Variants in PRKAR2B observed in about 807,000 individuals in gnomAD.
PRKAR2B encodes cAMP-dependent protein kinase type II-beta regulatory subunit.
PRKAR2B carries 14 observed loss-of-function variants against 49.9 expected under a neutral mutation model. That is an observed-to-expected ratio of 0.28 (90% confidence interval 0.19 to 0.44). The LOEUF is 0.44. PRKAR2B is among the 20% of genes least tolerant of loss of function. The pLI, the probability that PRKAR2B is intolerant of heterozygous loss-of-function variation, is 1.00. For missense variants in PRKAR2B, 393 were observed against 537.9 expected (o/e 0.73, Z 2.67); for synonymous variants, 196 against 197.7 (o/e 0.99, Z 0.07).
intron 4 of PRKAR2B, among the ~76,000 whole-genome samples, chr7:107,132,788 C>T (rs901957351): frequency 1.3e-5 from 2 of 152,066 alleles, no homozygotes; most frequent in East Asian, 3.9e-4. Flanking sequence ...ATTTGAATTT[C>T]CCGAAGTCAT....
intron 2 of PRKAR2B, among the ~76,000 whole-genome samples, chr7:107,070,921 A>G (rs1425345317): frequency 6.6e-6 from 1 of 152,236 alleles, no homozygotes; most frequent in African/African-American, 2.4e-5. Flanking sequence ...TGTAGTCAGC[A>G]TGATAGGCCT....
At chr7:107,140,797 A>G in intron 4 of PRKAR2B, 50 bp from the exon 5 acceptor site, 1 of 1,370,684 alleles carries the variant, frequency 7.3e-7, no homozygotes, top group South Asian at 1.3e-5. Flanking sequence ...ACTTAAGAAA[A>G]CATGTTCTAG....
rs944511527 is a variant in PRKAR2B at position 107,101,115 on chromosome 7, C to A, written c.344-20837C>A. ...TAGCAGTTCTGGATTCTGATTTCCT[C>A]CCTCTCCAGGTTGTTGCTTATTTTT... On this transcript the variant is annotated intron_variant, in intron 2 of 10. Transcript: ENST00000265717. 2.7e-5 allele frequency among the ~76,000 whole-genome samples: 4 copies of A among 150,310 alleles called. No homozygotes were observed. In the East Asian group the frequency reaches 7.7e-4, roughly 29 times the overall value.
At chr7:107,148,286 C>G (rs187479771) in intron 6 of PRKAR2B, among the ~76,000 whole-genome samples, 2 of 152,182 alleles carry the variant, frequency 1.3e-5, no homozygotes, top group Non-Finnish European at 2.9e-5. Context: ...TTCAGATTGT[C>G]AGATTGTCAC....
At chr7:107,045,367 A>G (rs1423083725) in intron 1 of PRKAR2B, among the ~76,000 whole-genome samples, 153 bp downstream of exon 1, 3 of 151,196 alleles carry the variant, frequency 2.0e-5, no homozygotes, top group Non-Finnish European at 4.4e-5. Flanking sequence ...CCCCCTCAGC[A>G]TCCATTTCTG....
chr7:107,050,460 T>G (rs1793780251), intron 1 of PRKAR2B, among the ~76,000 whole-genome samples: 1 of 150,198 alleles, frequency 6.7e-6, no homozygotes, highest in Non-Finnish European at 1.5e-5. Context: ...TGGATTCCAG[T>G]AAATTTCCAG....
chr7:107,151,812 C>T (rs982032000), intron 7 of PRKAR2B, among the ~76,000 whole-genome samples: 2 of 152,048 alleles, frequency 1.3e-5, no homozygotes, highest in African/African-American at 4.8e-5. Context: ...GGGAGAAGAT[C>T]GAAACTCAAA....
At chr7:107,129,506 A>C (rs1043944139) in intron 4 of PRKAR2B, among the ~76,000 whole-genome samples, 3 of 152,168 alleles carry the variant, frequency 2.0e-5, no homozygotes, top group Admixed American at 1.3e-4. Flanking sequence ...CTAGGCTCTC[A>C]AAAGAAAACA....
chr7:107,112,175 A>G (rs1034658653), intron 2 of PRKAR2B, among the ~76,000 whole-genome samples: 7 of 102,804 alleles, frequency 6.8e-5, no homozygotes, highest in South Asian at 2.8e-4. Flanking sequence ...CTGTGTCTCT[A>G]AAAAAAAAAA....
intron 2 of PRKAR2B, among the ~76,000 whole-genome samples, chr7:107,083,813 A>T (rs1489751980): frequency 6.6e-6 from 1 of 152,056 alleles, no homozygotes; most frequent in Non-Finnish European, 1.5e-5. Flanking sequence ...GAGTTTCACC[A>T]TATTGGCCAG....
In PRKAR2B at chr7:107,073,304, A is replaced by T. The variant is rs563791667; in HGVS notation, c.343+2988A>T. On this transcript the variant is annotated intron_variant, in intron 2 of 10. Transcript: ENST00000265717. ...CTTTTAAGAACACTATTTGTGCTAT[A>T]GTCTCTCGTCTTCCTCATGTGTTCA... Among the ~76,000 whole-genome samples the T allele has an allele frequency of 5.4e-5, 8 of 148,782 alleles. No individual in the cohort carries two copies. The South Asian group carries it at 1.7e-3, about 31-fold the overall frequency.
intron 3 of PRKAR2B, among the ~76,000 whole-genome samples, chr7:107,123,443 T>A (rs1036081817): frequency 1.6e-4 from 24 of 152,180 alleles, no homozygotes; most frequent in Non-Finnish European, 4.4e-5. Flanking sequence ...GGGGAGAGAT[T>A]ATCAGACAAA....
intron 8 of PRKAR2B, among the ~76,000 whole-genome samples, chr7:107,155,927 TA>T (rs1256215836): frequency 6.6e-6 from 1 of 152,044 alleles, no homozygotes; most frequent in African/African-American, 2.4e-5. Flanking sequence ...TATGCAGCCA[TA>T]AAAAAGAATG....
intron 5 of PRKAR2B, among the ~76,000 whole-genome samples, chr7:107,144,277 G>A (rs1190072145): frequency 2.6e-5 from 4 of 151,714 alleles, no homozygotes; most frequent in East Asian, 3.9e-4. Flanking sequence ...TAGTAGAGAC[G>A]GGGTTTCACC....
At position 107,053,525 on chromosome 7, in the gene PRKAR2B, AGTGTGTGTGTGT is replaced by A. The variant is rs56855022; in HGVS notation, c.307+8344_307+8355del. The stretch of plus-strand genomic sequence containing the variant: ...TGATTCAAGCTTCTAGATTATAAAG[AGTGTGTGTGTGT>A]GTGTGTGTGTGTGTGTGTGTGTGTG... On this transcript the variant is annotated intron_variant, in intron 1 of 10. Transcript: ENST00000265717. 5.6e-4 allele frequency among the ~76,000 whole-genome samples: 80 copies of A among 141,994 alleles called. 1 individual carries two copies. Among genetic ancestry groups the A allele is most frequent in the African/African-American group, 1.5e-3 (57 of 38,406 alleles). The allele number at this position is 141,994 out of a possible 152,430, so 93.2% of individuals were successfully genotyped here. A position where few individuals can be genotyped will look rare whatever the true frequency, so the allele number is the denominator to read the frequency against.
rs111491252 is a variant in PRKAR2B, at chr7:107,107,051, T to C, written c.344-14901T>C. On this transcript the variant is annotated intron_variant, in intron 2 of 10. Transcript: ENST00000265717. ...TAGTATCATAATGTAAAGAACCATT[T>C]TTAGGTTGGGTGCGGTGGCTCACGC... Among the ~76,000 whole-genome samples, 1,069 of 152,324 alleles carry C rather than the reference T, an allele frequency of 7.0e-3. 15 individuals are homozygous for C. Among genetic ancestry groups the C allele is most frequent in the African/African-American group, 0.024 (1,012 of 41,586 alleles).
intron 4 of PRKAR2B, among the ~76,000 whole-genome samples, chr7:107,128,536 G>A (rs1350108126): frequency 6.6e-6 from 1 of 152,108 alleles, no homozygotes; most frequent in Non-Finnish European, 1.5e-5. Context: ...TTTGTCCTGT[G>A]GAAGATATTC....
chr7:107,094,327 C>T (rs963873536), intron 2 of PRKAR2B, among the ~76,000 whole-genome samples: 1 of 152,200 alleles, frequency 6.6e-6, no homozygotes, highest in African/African-American at 2.4e-5. Context: ...AGTGTCTGTT[C>T]ATATCCTTTG....
intron 4 of PRKAR2B, among the ~76,000 whole-genome samples, chr7:107,135,672 G>A (rs1366324394): frequency 6.6e-6 from 1 of 151,096 alleles, no homozygotes; most frequent in Non-Finnish European, 1.5e-5. Context: ...ACAAAAATAT[G>A]TATAAGATCA....
Sources: gnomAD v4.1 joint callset for allele counts (sites outside exome capture counted in the v4.1 genomes callset) on GRCh38, gnomAD v4.1.1 for gene constraint, MANE v1.5 for transcripts, NCBI Gene and HGNC (gene_info 2026-07-23, HGNC 2026-07-21) for gene names.